The following VTI1B variants were observed in gnomAD, a reference collection of about 807,000 sequenced individuals.
The protein encoded by VTI1B is vesicle transport through interaction with t-SNAREs homolog 1B.
Under a neutral mutation model 28.6 loss-of-function variants are expected in VTI1B, and 18 were observed. That is an observed-to-expected ratio of 0.63 (90% CI 0.43 to 0.93). The LOEUF (loss-of-function observed/expected upper bound fraction) is 0.93, where lower values mean the gene tolerates loss of function less well. Among genes scored for constraint, VTI1B ranks in the 40% least tolerant of loss-of-function variants. The pLI is 0.00. For missense variants in VTI1B, 283 were observed against 297.0 expected (o/e 0.95, Z 0.35); for synonymous variants, 100 against 107.9 (o/e 0.93, Z 0.46).
In VTI1B at chr14:67,647,421, A is replaced by G. The variant is rs1335386840; in HGVS notation, c.*3964T>C. 1 of 164,674 alleles carries G rather than the reference A, an allele frequency of 6.1e-6. No individual in the cohort carries two copies. Among genetic ancestry groups the G allele is most frequent in the Non-Finnish European group, 1.3e-5 (1 of 76,686 alleles). 10.2% of individuals were successfully genotyped at this position (164,674 alleles called of 1,614,324 possible). A position where few individuals can be genotyped will look rare whatever the true frequency, so the allele number is the denominator to read the frequency against. On this transcript the variant is annotated 3_prime_UTR_variant, in exon 6 of 6. Coordinates refer to ENST00000554659, the MANE Select transcript of VTI1B (RefSeq NM_006370.3). The stretch of plus-strand genomic sequence containing the variant: ...ATACTAATCAAATGGTAATTTTAAG[A>G]GCATTTTCCCAATACCAAGTCTTTA...
At chr14:67,656,263 T>A (rs1432124227) in intron 4 of VTI1B, 153 bp downstream of exon 4, 8 of 728,426 alleles carry the variant, frequency 1.1e-5, no homozygotes, top group Non-Finnish European at 1.5e-5. Flanking sequence ...AAAAAAAAAT[T>A]AATAAATAAA....
At chr14:67,672,071 G>C (rs2037471216) in intron 1 of VTI1B, among the ~76,000 whole-genome samples, 1 of 151,872 alleles carries the variant, frequency 6.6e-6, no homozygotes, top group Admixed American at 6.6e-5. Context: ...TAGACTTATA[G>C]AAATGGGCAT....
At chr14:67,673,541 C>T (rs1017785069) in intron 1 of VTI1B, among the ~76,000 whole-genome samples, 2 of 152,180 alleles carry the variant, frequency 1.3e-5, no homozygotes, top group African/African-American at 4.8e-5. Context: ...CGGTGCCTCA[C>T]AATTCACCAG....
intron 2 of VTI1B, chr14:67,660,177 A>G (rs1306897692): frequency 8.4e-6 from 3 of 359,096 alleles, no homozygotes; most frequent in Non-Finnish European, 1.5e-5. Context: ...AGTACTTTAT[A>G]GCTTACTAAA....
intron 4 of VTI1B, among the ~76,000 whole-genome samples, chr14:67,655,654 A>G (rs2037246256): frequency 1.3e-5 from 2 of 152,200 alleles, no homozygotes; most frequent in South Asian, 4.1e-4. Flanking sequence ...GCTCTAAATA[A>G]CAGGATATAA....
chr14:67,674,191 G>A (rs904789091), intron 1 of VTI1B, among the ~76,000 whole-genome samples, 184 bp downstream of exon 1: 3 of 152,208 alleles, frequency 2.0e-5, no homozygotes, highest in African/African-American at 7.2e-5. Context: ...ACTGAATCCC[G>A]AGGTCCAATT....
rs1488605002 is a variant in VTI1B at position 67,650,143 on chromosome 14, T to C, written c.*1242A>G. The C allele has an allele frequency of 3.2e-5, 5 of 155,808 alleles. No homozygotes were observed. The highest frequency in any genetic ancestry group is 7.1e-5 in the Non-Finnish European group (5 of 70,216). The allele number at this position is 155,808 out of a possible 1,614,324, so 9.7% of individuals were successfully genotyped here. On this transcript the variant is annotated 3_prime_UTR_variant, in exon 6 of 6. Transcript: ENST00000554659. ...TGGGAGACAAAAAGATGTTGTTAGA[T>C]GTGGAACCTGCCTCCAGAGCTCAGG... is the stretch of plus-strand genomic sequence containing the variant.
Position 67,656,457 on chromosome 14 carries a change from G to A in VTI1B, c.499C>T (p.Leu167=). The A allele has an allele frequency of 6.2e-7, 1 of 1,613,376 alleles. No individual in the cohort carries two copies. The highest frequency in any genetic ancestry group is 1.3e-5 in the African/African-American group (1 of 74,928). ...DQIGSEIIEE[L]GEQRDQLERT... is the part of the protein sequence containing the mutation. ...TCTAACTGGTCTCGTTGTTCCCCCAGCTCTTCTATGATTTCTGAGCCAATC... is the reference window on the plus strand; with the variant it reads ...TCTAACTGGTCTCGTTGTTCCCCCAACTCTTCTATGATTTCTGAGCCAATC... Residue 167 remains leucine (L), a synonymous_variant, in exon 4 of 6, where the codon CTG becomes TTG. Transcript: ENST00000554659.
At chr14:67,656,695 A>G in intron 3 of VTI1B, 106 bp from the exon 4 acceptor site, 4 of 1,250,034 alleles carry the variant, frequency 3.2e-6, no homozygotes, top group Non-Finnish European at 4.3e-6. Flanking sequence ...AGTGAGCAAT[A>G]ATTTTCATTC....
chr14:67,666,095 AT>A (rs1319202005), intron 1 of VTI1B, among the ~76,000 whole-genome samples: 2 of 152,228 alleles, frequency 1.3e-5, no homozygotes, highest in African/African-American at 4.8e-5. Context: ...GAGTCAGCAC[AT>A]CTCCAAACTC....
In VTI1B at chr14:67,648,239, C is replaced by A; in HGVS notation, c.*3146G>T. 6.5e-7 allele frequency: 1 copy of A among 1,542,746 alleles called. No individual in the cohort carries two copies. Among genetic ancestry groups the A allele is most frequent in the South Asian group, 1.2e-5 (1 of 82,920 alleles). The stretch of plus-strand genomic sequence containing the variant: ...ACTACATAGGTAAATATGCTAGAGT[C>A]TCTTGCCTGCAAAGGATCTTTTCTG... On this transcript the variant is annotated 3_prime_UTR_variant, in exon 6 of 6. Coordinates refer to ENST00000554659, the MANE Select transcript of VTI1B (RefSeq NM_006370.3).
chr14:67,671,259 C>T (rs539121244), intron 1 of VTI1B, among the ~76,000 whole-genome samples: 1 of 152,286 alleles, frequency 6.6e-6, no homozygotes, highest in South Asian at 2.1e-4. Context: ...GGCGCAGTGG[C>T]TCACACCTGT....
Position 67,651,473 on chromosome 14 carries a change from G to A in VTI1B, c.611C>T (p.Thr204Ile). 6.2e-7 allele frequency: 1 copy of A among 1,613,768 alleles called. No homozygotes were observed. Among genetic ancestry groups the A allele is most frequent in the Non-Finnish European group, 8.5e-7 (1 of 1,179,718 alleles). The change falls in exon 6 of 6, where the codon ACC becomes ATC. Residue 204 changes from threonine (T) to isoleucine (I), a missense_variant. Physicochemically the swap from Thr to Ile is moderately conservative, Grantham distance 89 (BLOSUM62 -1). Transcript: ENST00000554659. ...GATAATGGAAAGCAGCAGCTTGTTG[G>A]TTGTCACTCTACAAAGAGAAGCAAA... Reference protein sequence around the residue: ...ILRSMSRKVTTNKLLLSIIIL... With the variant: ...ILRSMSRKVTINKLLLSIIIL...
At chr14:67,672,866 A>G (rs2037485959) in intron 1 of VTI1B, among the ~76,000 whole-genome samples, 2 of 152,210 alleles carry the variant, frequency 1.3e-5, no homozygotes. Flanking sequence ...AAGGCCCTAC[A>G]TGATCTGGCC....
At chr14:67,661,256 T>C (rs1446992461) in intron 2 of VTI1B, among the ~76,000 whole-genome samples, 3 of 140,020 alleles carry the variant, frequency 2.1e-5, no homozygotes, top group Non-Finnish European at 4.6e-5. Flanking sequence ...GTCAAAGGAC[T>C]CTTGCTTCTA....
In VTI1B at chr14:67,650,779, G is replaced by A. The variant is rs45584632; in HGVS notation, c.*606C>T. 1.9e-3 allele frequency: 2,996 copies of A among 1,614,122 alleles called. 7 individuals are homozygous for A. The highest frequency in any genetic ancestry group is 6.6e-3 in the Middle Eastern group (40 of 6,056). On this transcript the variant is annotated 3_prime_UTR_variant, in exon 6 of 6. Transcript: ENST00000554659. ...AGTTGGCCACCTCAGAGGAAGAGGC[G>A]AAGACTACAGCTAACCTGGCAGTAG...
chr14:67,670,532 G>T (rs2037452934), intron 1 of VTI1B, among the ~76,000 whole-genome samples: 1 of 151,698 alleles, frequency 6.6e-6, no homozygotes, highest in African/African-American at 2.4e-5. Context: ...CTTTATTTTA[G>T]GATTAATCAC....
rs777861967 is a variant in VTI1B at position 67,674,473 on chromosome 14, G to T, written c.17C>A (p.Ala6Asp). 6.2e-7 allele frequency: 1 copy of T among 1,606,796 alleles called. No individual in the cohort carries two copies. The highest frequency in any genetic ancestry group is 8.5e-7 in the Non-Finnish European group (1 of 1,177,816). The change falls in exon 1 of 6, where the codon GCC becomes GAC. Residue 6 changes from alanine (A) to aspartate (D), a missense_variant. By Grantham distance (126) the Ala-to-Asp change is moderately radical. Transcript: ENST00000554659. ...CAGCTTCTCGAAATGCTCCGAGGAG[G>T]CGGCGGAGGAGGCCATGGCGCAGGC... Reference protein sequence around the residue: MASSAASSEHFEKLHE... With the variant: MASSADSSEHFEKLHE...
chr14:67,660,358 G>A (rs905760649), intron 2 of VTI1B, among the ~76,000 whole-genome samples: 1 of 152,116 alleles, frequency 6.6e-6, no homozygotes, highest in African/African-American at 2.4e-5. Context: ...GCCGAGGCAG[G>A]AGGATCACTT....
Sources: gnomAD v4.1 joint callset for allele counts (sites outside exome capture counted in the v4.1 genomes callset) on GRCh38, gnomAD v4.1.1 for gene constraint, MANE v1.5 for transcripts, NCBI Gene and HGNC (gene_info 2026-07-23, HGNC 2026-07-21) for gene names.